DYSF: variants seen among roughly 807,000 people sequenced by gnomAD.
DYSF encodes the protein dystrophy-associated fer-1-like 1.
DYSF carries 212 observed loss-of-function variants against 274.9 expected under a neutral mutation model. That is an observed-to-expected ratio of 0.77 (90% CI 0.69 to 0.86). The LOEUF is 0.86. DYSF is among the 40% of genes least tolerant of loss of function. The pLI is 0.00. For missense variants in DYSF, 2,666 were observed against 2,783.2 expected (o/e 0.96, Z 0.95); for synonymous variants, 1,091 against 1,078.7 (o/e 1.01, Z -0.22).
At position 71,556,035 on chromosome 2, in the gene DYSF, T is replaced by C. The variant is rs1273495809; in HGVS notation, c.2180T>C (p.Val727Ala). Reference sequence around the variant, plus strand: ...TCCACGGAGGACGTGGACTCGCTGGTGGCTCAGCTGACGGATGAGCTCATC... The same window carrying C: ...TCCACGGAGGACGTGGACTCGCTGGCGGCTCAGCTGACGGATGAGCTCATC... Reference protein sequence around the residue: ...QCSTEDVDSLVAQLTDELIAG... With the variant: ...QCSTEDVDSLAAQLTDELIAG... Residue 727 changes from valine to alanine, a missense_variant, in exon 22 of 56, where the codon GTG (valine) becomes GCG (alanine). Val to Ala is a moderately conservative substitution (Grantham distance 64, BLOSUM62 0). Around this residue, in one of 3 missense-constraint regions of DYSF, gnomAD observed 412 missense variants for 504.0 expected, o/e 0.82. Coordinates refer to ENST00000410020, the MANE Select transcript of DYSF (RefSeq NM_001130987.2). The C allele has an allele frequency of 6.3e-7, 1 of 1,578,234 alleles. No individual in the cohort carries two copies. The highest frequency in any genetic ancestry group is 8.6e-7 in the Non-Finnish European group (1 of 1,162,858).
Position 71,590,265 on chromosome 2 carries a change from C to T in DYSF, c.3551C>T (p.Ala1184Val), listed in dbSNP as rs2093222082. ...ATGTACCAGGCCCGGGACCTGGCTG[C>T]GATGGACAAGGACTCTTTTTCTGGT... ...CYMYQARDLA[A>V]MDKDSFSDPY... The change falls in exon 32 of 56, where the codon GCG becomes GTG. Residue 1184 changes from alanine (A) to valine (V), a missense_variant. By Grantham distance (64) the Ala-to-Val change is moderately conservative. Transcript: ENST00000410020. 3 of 1,614,092 alleles carry T rather than the reference C, an allele frequency of 1.9e-6. No homozygotes were observed. The highest frequency in any genetic ancestry group is 1.7e-6 in the Non-Finnish European group (2 of 1,179,994).
Position 71,611,329 on chromosome 2 carries a change from C to T in DYSF, c.4042C>T (p.Gln1348Ter), listed in dbSNP as rs778092738. The change falls in exon 37 of 56, where the codon CAG (glutamine) becomes TAG (stop). Residue 1348 changes from glutamine to a stop codon, truncating the protein, a stop_gained. Coordinates refer to ENST00000410020, the MANE Select transcript of DYSF (RefSeq NM_001130987.2). LOFTEE classifies it high-confidence loss of function. ...MVPQNIKPAL[Q>*]RTAIEILAWG... is the part of the protein sequence containing the mutation. ...TCCTCAGAACATCAAGCCAGCGCTC[C>T]AGCGTACCGCCATCGAGGTGAGCCG... The T allele has an allele frequency of 6.2e-7, 1 of 1,614,004 alleles. No individual in the cohort carries two copies. Among genetic ancestry groups the T allele is most frequent in the Non-Finnish European group, 8.5e-7 (1 of 1,179,898 alleles).
intron 17 of DYSF, among the ~76,000 whole-genome samples, chr2:71,541,101 A>C (rs2089888120): frequency 6.6e-6 from 1 of 152,028 alleles, no homozygotes; most frequent in Admixed American, 6.6e-5. Flanking sequence ...ATGTCTGCTT[A>C]TTATTTCTTT....
intron 1 of DYSF, among the ~76,000 whole-genome samples, chr2:71,456,151 T>C (rs1558908490): frequency 6.6e-6 from 1 of 152,024 alleles, no homozygotes; most frequent in East Asian, 1.9e-4. Flanking sequence ...GCCTGGCTCT[T>C]CGGGGTAGGC....
intron 22 of DYSF, among the ~76,000 whole-genome samples, chr2:71,556,442 T>C (rs1241268829): frequency 6.6e-6 from 1 of 152,132 alleles, no homozygotes; most frequent in Non-Finnish European, 1.5e-5. Flanking sequence ...GGATCATGGT[T>C]TCTGTTTAGC....
At chr2:71,592,109 G>A (rs1381579303) in intron 32 of DYSF, among the ~76,000 whole-genome samples, 1 of 152,236 alleles carries the variant, frequency 6.6e-6, no homozygotes, top group Non-Finnish European at 1.5e-5. Context: ...CGTGAGAGGT[G>A]AGGGTGCCGG....
At chr2:71,543,669 G>A (rs561234242) in intron 17 of DYSF, among the ~76,000 whole-genome samples, 242 of 152,294 alleles carry the variant, frequency 1.6e-3, no homozygotes, top group African/African-American at 5.6e-3. Flanking sequence ...AGACCAGCCC[G>A]GCCAACACAG....
At chr2:71,465,966 T>G (rs1280855543), upstream of DYSF, among the ~76,000 whole-genome samples, 1 of 152,210 alleles carries the variant, frequency 6.6e-6, no homozygotes, top group Non-Finnish European at 1.5e-5. Flanking sequence ...GGGCCGCAGC[T>G]GGACCCTAGT....
At chr2:71,662,773 G>A (rs1647105885) in intron 45 of DYSF, among the ~76,000 whole-genome samples, 4 of 150,832 alleles carry the variant, frequency 2.7e-5, no homozygotes, top group Admixed American at 2.6e-4. Flanking sequence ...ATTTGTATGT[G>A]TGTGTGTATG....
chr2:71,648,562 C>A (rs2094603910), intron 42 of DYSF, among the ~76,000 whole-genome samples: 1 of 152,032 alleles, frequency 6.6e-6, no homozygotes, highest in Non-Finnish European at 1.5e-5. Flanking sequence ...ACAGAAAAAA[C>A]CATAATGGTT....
At chr2:71,684,206 A>G (rs1275731424) in intron 55 of DYSF, among the ~76,000 whole-genome samples, 1 of 152,222 alleles carries the variant, frequency 6.6e-6, no homozygotes, top group Non-Finnish European at 1.5e-5. Flanking sequence ...GGCCTCTTTA[A>G]GCCAAGGGAG....
chr2:71,614,810 C>T (rs1223149734), intron 40 of DYSF, among the ~76,000 whole-genome samples: 1 of 152,182 alleles, frequency 6.6e-6, no homozygotes, highest in Non-Finnish European at 1.5e-5. Flanking sequence ...TTTCTGGCTA[C>T]TGTCTGTATG....
At chr2:71,591,248 C>G (rs2093255815) in intron 32 of DYSF, among the ~76,000 whole-genome samples, 1 of 152,248 alleles carries the variant, frequency 6.6e-6, no homozygotes, top group African/African-American at 2.4e-5. Context: ...AGACCCAGCC[C>G]AGATGCCCTC....
intron 27 of DYSF, 137 bp from the exon 28 acceptor site, chr2:71,570,092 G>T: frequency 1.9e-6 from 2 of 1,056,282 alleles, no homozygotes; most frequent in Non-Finnish European, 2.9e-6. Flanking sequence ...TGCAGTGGTG[G>T]CAGGACACTG....
chr2:71,617,888 GGTAGAGGTGTGTT>G (rs2093939744), intron 40 of DYSF, among the ~76,000 whole-genome samples: 3 of 116,102 alleles, frequency 2.6e-5, no homozygotes, highest in Non-Finnish European at 1.9e-5. Context: ...GGGTGTGTGT[GGTAGAGGTGTGTT>G]TGTGGTAGAG....
In DYSF at chr2:71,538,898, G is replaced by C. The variant is rs189047443; in HGVS notation, c.1494-259G>C. Among the ~76,000 whole-genome samples the C allele has an allele frequency of 2.8e-3, 428 of 152,310 alleles. 4 individuals are homozygous for C. Among genetic ancestry groups the C allele is most frequent in the South Asian group, 7.7e-3 (37 of 4,830 alleles). On this transcript the variant is annotated intron_variant, in intron 16 of 55. Coordinates refer to ENST00000410020, the MANE Select transcript of DYSF (RefSeq NM_001130987.2). ...GTAGAGATCCAGGCTGGCAGCCTGGGTTTGGTTGCCTGATGGGATGCTGGT... is the reference window on the plus strand; with the variant it reads ...GTAGAGATCCAGGCTGGCAGCCTGGCTTTGGTTGCCTGATGGGATGCTGGT...
At position 71,598,610 on chromosome 2, in the gene DYSF, G is replaced by A. The variant is rs1425348474; in HGVS notation, c.3621G>A (p.Val1207=). The A allele has an allele frequency of 6.2e-7, 1 of 1,614,060 alleles. No individual in the cohort carries two copies. The highest frequency in any genetic ancestry group is 1.3e-5 in the African/African-American group (1 of 74,934). Residue 1207 remains valine (V), a synonymous_variant, in exon 33 of 56, where the codon GTG becomes GTA. Transcript: ENST00000410020. ...VSFLHQSQKT[V]VVKNTLNPTW... ...TCCTGCACCAGAGCCAGAAGACGGT[G>A]GTGGTGAAGAACACCCTTAACCCCA...
chr2:71,627,197 A>T (rs1468755711), intron 41 of DYSF, among the ~76,000 whole-genome samples: 3 of 151,300 alleles, frequency 2.0e-5, no homozygotes, highest in African/African-American at 7.3e-5. Context: ...GGAGTTTATT[A>T]TATTTTAACC....
At chr2:71,527,667 T>C (rs889581671) in intron 13 of DYSF, among the ~76,000 whole-genome samples, 12 of 152,234 alleles carry the variant, frequency 7.9e-5, no homozygotes, top group African/African-American at 2.9e-4. Context: ...CATGTAGTTA[T>C]TAGCTAGCGT....
Sources: allele counts gnomAD v4.1 joint callset (sites outside exome capture counted in the v4.1 genomes callset), GRCh38; gene constraint gnomAD v4.1.1; regional missense constraint gnomAD v4.1.1; transcripts MANE v1.5; gene names NCBI Gene and HGNC (gene_info 2026-07-23, HGNC 2026-07-21).